The following CSMD1 variants were observed in gnomAD, a reference collection of about 807,000 sequenced individuals.
CSMD1 encodes the protein CUB and Sushi multiple domains 1.
A neutral mutation model predicts 417.5 loss-of-function variants in CSMD1; 213 were observed. The ratio of observed to expected loss-of-function variants is 0.51; its 90% confidence interval spans 0.46 to 0.57. The LOEUF is 0.57. Among genes scored for constraint, CSMD1 ranks in the 20% least tolerant of loss-of-function variants. The pLI is 0.00. For missense variants in CSMD1, 6,923 were observed against 4,529.7 expected (o/e 1.53, Z -15.17); for synonymous variants, 2,862 against 1,736.8 (o/e 1.65, Z -16.11).
chr8:3,854,134 A>C (rs2129101820), intron 5 of CSMD1, among the ~76,000 whole-genome samples: 1 of 138,044 alleles, frequency 7.2e-6, no homozygotes, highest in South Asian at 2.2e-4. Flanking sequence ...TTATATATAT[A>C]AACTCTATTA....
At chr8:4,211,439 G>A (rs1022077182) in intron 3 of CSMD1, among the ~76,000 whole-genome samples, 2 of 152,032 alleles carry the variant, frequency 1.3e-5, no homozygotes, top group African/African-American at 4.8e-5. Flanking sequence ...CAAACATATA[G>A]CAGTTTACGC....
intron 2 of CSMD1, among the ~76,000 whole-genome samples, chr8:4,454,910 C>A (rs945596383): frequency 1.3e-5 from 2 of 152,134 alleles, no homozygotes; most frequent in African/African-American, 4.8e-5. Flanking sequence ...AAACTGAAGT[C>A]TTACAAACAC....
At chr8:2,938,793 A>G in intron 69 of CSMD1, 49 bp from the exon 70 acceptor site, 7 of 1,520,186 alleles carry the variant, frequency 4.6e-6, no homozygotes, top group South Asian at 1.2e-5. Flanking sequence ...TCATTTGCAG[A>G]TTTAGCAGCT....
In CSMD1 at chr8:3,142,509, C is replaced by G; in HGVS notation, c.6197G>C (p.Ser2066Thr). 1.2e-6 allele frequency: 2 copies of G among 1,613,928 alleles called. No homozygotes were observed. Among genetic ancestry groups the G allele is most frequent in the South Asian group, 2.2e-5 (2 of 91,066 alleles). Reference sequence around the variant, plus strand: ...TCCTTGCCGGTTTTGCGAATGGTCACTATAAAAGTGGATGAGGGTTTCATG... The same window carrying G: ...TCCTTGCCGGTTTTGCGAATGGTCAGTATAAAAGTGGATGAGGGTTTCATG... Reference protein sequence around the residue: ...TTHETLIHFYSDHSQNRQGFK... With the variant: ...TTHETLIHFYTDHSQNRQGFK... The change falls in exon 41 of 70, where the codon AGT becomes ACT. Residue 2066 changes from serine to threonine, a missense_variant. Coordinates refer to ENST00000635120, the MANE Select transcript of CSMD1 (RefSeq NM_033225.6).
chr8:3,913,239 G>A (rs561228187), intron 5 of CSMD1, among the ~76,000 whole-genome samples: 2 of 152,246 alleles, frequency 1.3e-5, no homozygotes, highest in South Asian at 4.1e-4. Context: ...AAACATTCAG[G>A]AATCCTTGGC....
intron 18 of CSMD1, among the ~76,000 whole-genome samples, chr8:3,370,372 A>T (rs1263961497): frequency 1.3e-5 from 2 of 152,186 alleles, no homozygotes; most frequent in Non-Finnish European, 2.9e-5. Flanking sequence ...ACAAACAGCC[A>T]TGTGCTCCGG....
At chr8:4,319,076 T>C (rs1355797131) in intron 3 of CSMD1, among the ~76,000 whole-genome samples, 3 of 152,200 alleles carry the variant, frequency 2.0e-5, no homozygotes, top group Non-Finnish European at 2.9e-5. Context: ...ACTTCATTAG[T>C]AGTCCTCACA....
At position 4,424,236 on chromosome 8, in the gene CSMD1, T is replaced by TAA. The variant is rs562657588; in HGVS notation, c.303-4173_303-4172dup. Among the ~76,000 whole-genome samples the TAA allele has an allele frequency of 4.1e-3, 627 of 152,124 alleles. 6 individuals carry two copies. The highest frequency in any genetic ancestry group is 0.015 in the African/African-American group (614 of 41,518). On this transcript the variant is annotated intron_variant, in intron 2 of 69. Coordinates refer to ENST00000635120, the MANE Select transcript of CSMD1 (RefSeq NM_033225.6). ...AAACTTTGGCTGCAAAAGACCGCAT[T>TAA]AAGAGAATAAAAGTGTATGCTGCAG... is the stretch of plus-strand genomic sequence containing the variant.
intron 3 of CSMD1, among the ~76,000 whole-genome samples, chr8:4,105,967 A>T (rs1801547304): frequency 6.6e-6 from 1 of 152,182 alleles, no homozygotes; most frequent in Non-Finnish European, 1.5e-5. Context: ...CACAAGTCCC[A>T]ACTTCACCAC....
At chr8:4,191,521 A>T (rs561223680) in intron 3 of CSMD1, among the ~76,000 whole-genome samples, 1 of 152,340 alleles carries the variant, frequency 6.6e-6, no homozygotes, top group Admixed American at 6.5e-5. Context: ...AGTGGAGGTC[A>T]CTAAAACATG....
At chr8:4,328,828 G>C (rs1227860777) in intron 3 of CSMD1, among the ~76,000 whole-genome samples, 2 of 152,218 alleles carry the variant, frequency 1.3e-5, no homozygotes, top group Non-Finnish European at 2.9e-5. Flanking sequence ...TGTGGTTTTA[G>C]AAGCTTAAGC....
chr8:4,790,451 A>G lies in CSMD1; in HGVS notation c.86-152893T>C, dbSNP rs7015297. The stretch of plus-strand genomic sequence containing the variant: ...AAACTATTCCTTTCAAACTACCAAT[A>G]ACATTTTCCACAGAATGAGAAAAAA... On this transcript the variant is annotated intron_variant, in intron 1 of 69. Transcript: ENST00000635120. Among the ~76,000 whole-genome samples, 1,028 of 152,278 alleles carry G rather than the reference A, an allele frequency of 6.8e-3. 17 individuals are homozygous for G. Among genetic ancestry groups the G allele is most frequent in the African/African-American group, 0.023 (975 of 41,556 alleles).
intron 1 of CSMD1, among the ~76,000 whole-genome samples, chr8:4,910,035 G>C (rs1187863199): frequency 6.6e-6 from 1 of 152,172 alleles, no homozygotes; most frequent in Non-Finnish European, 1.5e-5. Context: ...ATAACCAATA[G>C]CATGTCAGAT....
chr8:3,404,077 A>G (rs1472966657), intron 15 of CSMD1, among the ~76,000 whole-genome samples: 6 of 152,186 alleles, frequency 3.9e-5, no homozygotes, highest in Non-Finnish European at 7.3e-5. Flanking sequence ...ACCAGACGAT[A>G]CTATAAACAG....
At chr8:4,353,046 T>C (rs941370978) in intron 3 of CSMD1, among the ~76,000 whole-genome samples, 3 of 152,202 alleles carry the variant, frequency 2.0e-5, no homozygotes, top group East Asian at 1.9e-4. Flanking sequence ...ATATATTAGA[T>C]TGTAGAAAGA....
At position 3,324,586 on chromosome 8, in the gene CSMD1, C is replaced by G. The variant is rs544748232; in HGVS notation, c.3632-16083G>C. On this transcript the variant is annotated intron_variant, in intron 23 of 69. Transcript: ENST00000635120. ...AGACACACATCTAACCCCCAGGGACCCAGGAGTGGGAGTTTCCTTCCCCCC... is the reference window on the plus strand; with the variant it reads ...AGACACACATCTAACCCCCAGGGACGCAGGAGTGGGAGTTTCCTTCCCCCC... Among the ~76,000 whole-genome samples the G allele has an allele frequency of 6.6e-5, 10 of 151,430 alleles. No homozygotes were observed. The East Asian group carries it at 1.2e-3, about 18-fold the overall frequency.
chr8:4,398,737 G>T (rs35567863), intron 3 of CSMD1, among the ~76,000 whole-genome samples: 16,281 of 152,110 alleles, frequency 0.11, 1,197 homozygotes, highest in Middle Eastern at 0.15. Flanking sequence ...AATGCTAACA[G>T]ATTTATCAAT....
intron 52 of CSMD1, among the ~76,000 whole-genome samples, chr8:3,012,847 G>A (rs1319774918): frequency 1.3e-5 from 2 of 152,136 alleles, no homozygotes; most frequent in African/African-American, 4.8e-5. Flanking sequence ...ACCTTAAATT[G>A]TAATAATCCC....
At chr8:3,698,832 G>T (rs576611714) in intron 7 of CSMD1, among the ~76,000 whole-genome samples, 1 of 152,134 alleles carries the variant, frequency 6.6e-6, no homozygotes, top group Non-Finnish European at 1.5e-5. Flanking sequence ...AAATGTCCGT[G>T]GGAAAATGAT....
Sources: allele counts gnomAD v4.1 joint callset (sites outside exome capture counted in the v4.1 genomes callset), GRCh38; gene constraint gnomAD v4.1.1; transcripts MANE v1.5; gene names NCBI Gene and HGNC (gene_info 2026-07-23, HGNC 2026-07-21).